The following HSPD1 variants were observed in gnomAD, a reference collection of about 807,000 sequenced individuals.
HSPD1 encodes the protein heat shock protein family D (Hsp60) member 1, also known as 60 kDa heat shock protein, mitochondrial.
Under a neutral mutation model 53.0 loss-of-function variants are expected in HSPD1, and 3 were observed. The ratio of observed to expected loss-of-function variants is 0.06; its 90% CI spans 0.03 to 0.15. The LOEUF is 0.15. Ranked by LOEUF, HSPD1 falls within the 10% of genes least tolerant of loss-of-function variation. The pLI is 1.00. For missense variants in HSPD1, 431 were observed against 694.1 expected (o/e 0.62, Z 4.26); for synonymous variants, 200 against 228.0 (o/e 0.88, Z 1.10).
intron 6 of HSPD1, 59 bp from the exon 7 acceptor site, chr2:197,493,551 G>T: frequency 7.8e-7 from 1 of 1,289,210 alleles, no homozygotes; most frequent in Non-Finnish European, 1.1e-6. Context: ...ACATTTAAAT[G>T]AAAAGCGAAA....
chr2:197,495,345 A>G lies in HSPD1; in HGVS notation c.459T>C (p.Ala153=). ...GVMLAVDAVI[A]ELKKQSKPVT... ...CAGGTTTAGACTGCTTTTTAAGTTC[A>G]GCAATTACAGCATCAACAGCTAACA... The change falls in exon 4 of 12, where the codon GCT becomes GCC. Residue 153 remains alanine (A), a synonymous_variant. Coordinates refer to ENST00000388968, the MANE Select transcript of HSPD1 (RefSeq NM_002156.5). 2 of 1,610,238 alleles carry G rather than the reference A, an allele frequency of 1.2e-6. No homozygotes were observed. Among genetic ancestry groups the G allele is most frequent in the Non-Finnish European group, 1.7e-6 (2 of 1,176,514 alleles).
intron 3 of HSPD1, among the ~76,000 whole-genome samples, chr2:197,495,894 A>T (rs1160288593): frequency 6.6e-6 from 1 of 152,214 alleles, no homozygotes; most frequent in African/African-American, 2.4e-5. Flanking sequence ...AAATTTTGAA[A>T]ATAGGACTAA....
At chr2:197,487,316 G>A in intron 11 of HSPD1, 118 bp from the exon 12 acceptor site, 2 of 853,932 alleles carry the variant, frequency 2.3e-6, no homozygotes, top group South Asian at 1.4e-5. Flanking sequence ...GGAGGCTGAG[G>A]CAGGTAGATG....
chr2:197,495,489 A>ATTT, intron 3 of HSPD1, 113 bp from the exon 4 acceptor site: 1 of 538,240 alleles, frequency 1.9e-6, no homozygotes, highest in Non-Finnish European at 3.3e-6. Context: ...AAAAAAAAAA[A>ATTT]TTTTTTTTTT....
intron 1 of HSPD1, chr2:197,499,421 G>A (rs2086209954): frequency 1.3e-5 from 2 of 156,270 alleles, no homozygotes; most frequent in African/African-American, 4.8e-5. Flanking sequence ...AAGACTGGAG[G>A]CGCGGTATCC....
rs762852744 is a variant in HSPD1, at chr2:197,493,390, C to T, written c.803G>A (p.Arg268His). 2.5e-6 allele frequency: 4 copies of T among 1,613,728 alleles called. No homozygotes were observed. The highest frequency in any genetic ancestry group is 2.2e-5 in the East Asian group (1 of 44,858). The change falls in exon 7 of 12, where the codon CGT (arginine) becomes CAT (histidine). Residue 268 changes from arginine to histidine, a missense_variant. Arg to His is a conservative substitution (Grantham distance 29). Around this residue, in one of 2 missense-constraint regions of HSPD1, gnomAD observed 386 missense variants for 657.6 expected, o/e 0.59. Transcript: ENST00000388968. ...VPALEIANAHRKPLVIIAEDV... is the reference protein window; with the variant it reads ...VPALEIANAHHKPLVIIAEDV... ...TTCAGCGATTATGACCAAAGGCTTA[C>T]GGTGAGCATTGGCAATTTCAAGAGC...
intron 2 of HSPD1, among the ~76,000 whole-genome samples, chr2:197,497,797 T>C (rs77970458): frequency 0.011 from 1,726 of 152,332 alleles, 27 homozygotes; most frequent in African/African-American, 0.039. Flanking sequence ...TCAAGGCAAG[T>C]AGCGTGCTCT....
At chr2:197,493,253 T>G (rs2086116442) in intron 7 of HSPD1, 71 bp downstream of exon 7, 1 of 1,328,208 alleles carries the variant, frequency 7.5e-7, no homozygotes, top group African/African-American at 1.4e-5. Flanking sequence ...TGATGGAAAC[T>G]GCAAACAGCA....
intron 4 of HSPD1, 160 bp downstream of exon 4, chr2:197,495,134 T>C: frequency 1.5e-6 from 1 of 650,488 alleles, no homozygotes. Flanking sequence ...ACCATTATGG[T>C]CATAATTCTT....
chr2:197,488,899 C>G (rs2086058094), intron 9 of HSPD1, 103 bp downstream of exon 9: 1 of 1,228,112 alleles, frequency 8.1e-7, no homozygotes, highest in Non-Finnish European at 1.2e-6. Flanking sequence ...GTTAATTCCT[C>G]AAGTATTCGT....
intron 7 of HSPD1, among the ~76,000 whole-genome samples, chr2:197,491,611 AAAG>A (rs2086093416): frequency 1.3e-5 from 2 of 152,214 alleles, no homozygotes; most frequent in Non-Finnish European, 2.9e-5. Flanking sequence ...AACAAAATGG[AAAG>A]AAAAGTCTTG....
chr2:197,490,394 G>A (rs2086076259), intron 7 of HSPD1, 98 bp from the exon 8 acceptor site: 3 of 905,344 alleles, frequency 3.3e-6, no homozygotes, highest in Admixed American at 4.1e-5. Context: ...GACTCCCTAA[G>A]TAATCTGGTT....
chr2:197,492,710 A>T (rs995230057), intron 7 of HSPD1, among the ~76,000 whole-genome samples: 5 of 151,826 alleles, frequency 3.3e-5, no homozygotes, highest in African/African-American at 1.2e-4. Flanking sequence ...AAATAAAAAT[A>T]AAAAATAAAA....
chr2:197,496,995 A>G, intron 3 of HSPD1, 145 bp downstream of exon 3: 3 of 811,130 alleles, frequency 3.7e-6, no homozygotes, highest in Non-Finnish European at 4.2e-6. Flanking sequence ...CTAAAGGAAA[A>G]CCCAGTTTAA....
intron 7 of HSPD1, among the ~76,000 whole-genome samples, chr2:197,491,969 A>T (rs1217414205): frequency 6.6e-6 from 1 of 152,134 alleles, no homozygotes; most frequent in African/African-American, 2.4e-5. Flanking sequence ...ATATTGAGGC[A>T]ACATATTGAG....
rs2086168594 is a variant in HSPD1, at chr2:197,497,133, T to C, written c.427+7A>G. The C allele has an allele frequency of 6.2e-7, 1 of 1,613,980 alleles. No homozygotes were observed. The highest frequency in any genetic ancestry group is 1.3e-5 in the African/African-American group (1 of 75,056). On this transcript the variant is annotated splice_region_variant and intron_variant, in intron 3 of 11. Coordinates refer to ENST00000388968, the MANE Select transcript of HSPD1 (RefSeq NM_002156.5). ...TAGAACACTGTGGTGACAACAGACATTCCTACCTCTCCTGATTTCCACTGG... is the reference window on the plus strand; with the variant it reads ...TAGAACACTGTGGTGACAACAGACACTCCTACCTCTCCTGATTTCCACTGG...
intron 2 of HSPD1, among the ~76,000 whole-genome samples, chr2:197,497,788 C>A (rs2086177073): frequency 6.6e-6 from 1 of 152,236 alleles, no homozygotes; most frequent in African/African-American, 2.4e-5. Context: ...TATTAACCAT[C>A]AAGGCAAGTA....
intron 8 of HSPD1, 68 bp downstream of exon 8, chr2:197,490,129 T>C: frequency 8.9e-7 from 1 of 1,129,652 alleles, no homozygotes; most frequent in Non-Finnish European, 1.4e-6. Context: ...TGTGAAATGT[T>C]AAACTATCTA....
intron 7 of HSPD1, among the ~76,000 whole-genome samples, chr2:197,491,660 C>T (rs1467298834): frequency 6.6e-6 from 1 of 152,146 alleles, no homozygotes; most frequent in Non-Finnish European, 1.5e-5. Context: ...TAAGGAAGAA[C>T]AAACATTTTA....
Sources: allele counts gnomAD v4.1 joint callset (sites outside exome capture counted in the v4.1 genomes callset), GRCh38; gene constraint gnomAD v4.1.1; regional missense constraint gnomAD v4.1.1; transcripts MANE v1.5; gene names NCBI Gene and HGNC (gene_info 2026-07-23, HGNC 2026-07-21).